ARHGEF10L: variants seen among roughly 807,000 people sequenced by gnomAD.
ARHGEF10L encodes rho guanine nucleotide exchange factor 10-like protein.
In ARHGEF10L, 69 loss-of-function variants were observed where a neutral mutation model predicts 141.2. The observed-to-expected ratio is 0.49, with a 90% confidence interval of 0.40 to 0.60. The LOEUF (loss-of-function observed/expected upper bound fraction) is 0.60, where lower values mean the gene tolerates loss of function less well. ARHGEF10L is among the 20% of genes least tolerant of loss of function. The probability of loss-of-function intolerance (pLI) is 0.00; values close to 1 mark genes in which losing one functional copy is unlikely to be tolerated. For missense variants in ARHGEF10L, 1,482 were observed against 1,734.3 expected, an observed-to-expected ratio of 0.85 and a Z score of 2.58; for synonymous variants, 711 against 718.5, an observed-to-expected ratio of 0.99 and a Z score of 0.17.
At chr1:17,689,458 TCTCCCTCCCTCCCTGCCTCCTTCCCCTAC>T (rs2064885990) in intron 27 of ARHGEF10L, among the ~76,000 whole-genome samples, 1 of 10,070 alleles carries the variant, frequency 9.9e-5, no homozygotes, top group Admixed American at 1.2e-3. Flanking sequence ...CTTCCCCCTC[TCTCCCTCCCTCCCTGCCTCCTTCCCCTAC>T]CTCCCTCTCT....
At chr1:17,665,222 G>A (rs937540632) in intron 26 of ARHGEF10L, among the ~76,000 whole-genome samples, 1 of 152,226 alleles carries the variant, frequency 6.6e-6, no homozygotes, top group Non-Finnish European at 1.5e-5. Flanking sequence ...TTGGATTATC[G>A]ATTGCAATGA....
intron 22 of ARHGEF10L, among the ~76,000 whole-genome samples, chr1:17,652,042 G>C (rs763493527): frequency 6.6e-6 from 1 of 152,232 alleles, no homozygotes; most frequent in Non-Finnish European, 1.5e-5. Context: ...AGCTCACCAC[G>C]TTTCCAGGTG....
intron 21 of ARHGEF10L, among the ~76,000 whole-genome samples, chr1:17,647,445 G>A (rs181795164): frequency 6.6e-6 from 1 of 152,350 alleles, no homozygotes; most frequent in East Asian, 1.9e-4. Context: ...GGGCTTGCTG[G>A]AAGGGAGTCC....
chr1:17,519,659 A>G, the ARHGEF10L span, among the ~76,000 whole-genome samples: 1 of 152,124 alleles, frequency 6.6e-6, no homozygotes, highest in East Asian at 1.9e-4. Flanking sequence ...AACCTGGTGA[A>G]ACCCCATCTC....
At chr1:17,646,196 C>T (rs1274137945) in intron 21 of ARHGEF10L, among the ~76,000 whole-genome samples, 4 of 152,202 alleles carry the variant, frequency 2.6e-5, no homozygotes, top group Non-Finnish European at 4.4e-5. Flanking sequence ...GCATCCTCAC[C>T]TGCCACCTCA....
Position 17,621,598 on chromosome 1 carries a change from G to T in ARHGEF10L, c.943-266G>T, listed in dbSNP as rs1002945995. 1.3e-5 allele frequency among the ~76,000 whole-genome samples: 2 copies of T among 152,218 alleles called. No individual in the cohort carries two copies. The highest frequency in any genetic ancestry group is 3.8e-4 in the East Asian group (2 of 5,198). ...ACCCGCCACCATGGAGGAGCGTGGT[G>T]ATTACCCCATCCCCAGATGTATGTG... On this transcript the variant is annotated intron_variant, in intron 10 of 28. Coordinates refer to ENST00000361221, the MANE Select transcript of ARHGEF10L (RefSeq NM_018125.4). The surrounding 1 kb of genome is among the most constrained non-coding windows in gnomAD (Gnocchi z 4.1).
At chr1:17,618,281 C>A (rs551824674) in intron 9 of ARHGEF10L, 21 of 1,437,492 alleles carry the variant, frequency 1.5e-5, no homozygotes, top group African/African-American at 7.4e-5. Context: ...ACAAGCCCAG[C>A]GCCTTCCTGA....
chr1:17,660,609 G>C (rs1309129313), intron 25 of ARHGEF10L, among the ~76,000 whole-genome samples: 1 of 152,170 alleles, frequency 6.6e-6, no homozygotes, highest in Non-Finnish European at 1.5e-5. Context: ...CTGCTCTCTG[G>C]CTCCAGCCCA....
Position 17,607,532 on chromosome 1 carries a change from C to T in ARHGEF10L, c.434-270C>T, listed in dbSNP as rs1409140390. The stretch of plus-strand genomic sequence containing the variant: ...GCGCTGAGACCATACAAAAGCAGTG[C>T]TGGGAGCAAAAGGAAGTGAGCGGGC... On this transcript the variant is annotated intron_variant, in intron 6 of 28. Coordinates refer to ENST00000361221, the MANE Select transcript of ARHGEF10L (RefSeq NM_018125.4). The surrounding 1 kb of genome is among the most constrained non-coding windows in gnomAD (Gnocchi z 4.5). 6.6e-6 allele frequency among the ~76,000 whole-genome samples: 1 copy of T among 152,204 alleles called. No individual in the cohort carries two copies. Among genetic ancestry groups the T allele is most frequent in the Non-Finnish European group, 1.5e-5 (1 of 68,036 alleles).
chr1:17,577,292 T>G (rs1256499611), intron 1 of ARHGEF10L, among the ~76,000 whole-genome samples: 1 of 152,212 alleles, frequency 6.6e-6, no homozygotes, highest in Non-Finnish European at 1.5e-5. Context: ...GTGATCTGCC[T>G]GCCCCGGCCT....
Position 17,621,728 on chromosome 1 carries a change from A to C in ARHGEF10L, c.943-136A>C. The C allele has an allele frequency of 1.3e-6, 1 of 753,956 alleles. No individual in the cohort carries two copies. The highest frequency in any genetic ancestry group is 2.0e-5 in the Admixed American group (1 of 49,484). The allele number at this position is 753,956 out of a possible 1,614,324, so 46.7% of individuals were successfully genotyped here. A position where few individuals can be genotyped will look rare whatever the true frequency, so the allele number is the denominator to read the frequency against. On this transcript the variant is annotated intron_variant, in intron 10 of 28. Coordinates refer to ENST00000361221, the MANE Select transcript of ARHGEF10L (RefSeq NM_018125.4). This position sits in a 1 kb window ranked among gnomAD's most constrained non-coding sequence, Gnocchi z 4.1. ...AGGGGCTCTGGAAGGAAGAGTGGCC[A>C]CCAGGCCCAGTGGTCCCAGGTGGGA...
chr1:17,659,118 C>A (rs916206100), intron 25 of ARHGEF10L, among the ~76,000 whole-genome samples: 7 of 152,144 alleles, frequency 4.6e-5, no homozygotes, highest in Admixed American at 1.3e-4. Flanking sequence ...TAGAGGTGGC[C>A]AAGCACTGGG....
At chr1:17,526,624 C>T in the ARHGEF10L span, among the ~76,000 whole-genome samples, 1 of 152,092 alleles carries the variant, frequency 6.6e-6, no homozygotes, top group South Asian at 2.1e-4. Flanking sequence ...ACAAGGCTGG[C>T]CGGGCACAGT....
chr1:17,619,451 T>TG lies in ARHGEF10L; in HGVS notation c.942+11dup. ...AGGGCCTGAGCCCTCAGCAGGTCTG[T>TG]GGGGGAGTGGGGCAGGTGGGGGTCT... On this transcript the variant is annotated splice_region_variant and intron_variant, in intron 10 of 28. Coordinates refer to ENST00000361221, the MANE Select transcript of ARHGEF10L (RefSeq NM_018125.4). This position sits in a 1 kb window ranked among gnomAD's most constrained non-coding sequence, Gnocchi z 5.0. 7.3e-7 allele frequency: 1 copy of TG among 1,363,826 alleles called. No individual in the cohort carries two copies. 84.5% of individuals were successfully genotyped at this position (1,363,826 alleles called of 1,614,324 possible).
intron 26 of ARHGEF10L, among the ~76,000 whole-genome samples, chr1:17,677,415 T>C (rs74061939): frequency 0.055 from 8,331 of 152,340 alleles, 616 homozygotes; most frequent in African/African-American, 0.16. Context: ...CACTCTCTGC[T>C]GATCTCAGCT....
At chr1:17,580,656 C>T in intron 2 of ARHGEF10L, 24 bp downstream of exon 2, 1 of 1,614,096 alleles carries the variant, frequency 6.2e-7, no homozygotes, top group African/African-American at 1.3e-5. Flanking sequence ...GGCTTCCTGT[C>T]CCTCTCATCC....
chr1:17,671,689 G>T (rs370514424), intron 26 of ARHGEF10L, among the ~76,000 whole-genome samples: 2 of 152,178 alleles, frequency 1.3e-5, no homozygotes, highest in African/African-American at 2.4e-5. Flanking sequence ...CATTAGACCC[G>T]GGCTTCCCAT....
At chr1:17,601,049 C>CAAAAAAAAAAAAAAAAAAA (rs55806926) in intron 4 of ARHGEF10L, among the ~76,000 whole-genome samples, 2 of 51,168 alleles carry the variant, frequency 3.9e-5, no homozygotes, top group African/African-American at 6.5e-5. Context: ...GGCTCTGTCT[C>CAAAAAAAAAAAAAAAAAAA]AAAAAAAAAA....
chr1:17,693,182 G>T (rs1002549958), intron 27 of ARHGEF10L, among the ~76,000 whole-genome samples: 1 of 152,198 alleles, frequency 6.6e-6, no homozygotes, highest in Non-Finnish European at 1.5e-5. Context: ...GTCCCTCAGT[G>T]CCACTAGCTA....
Sources: allele counts gnomAD v4.1 joint callset (sites outside exome capture counted in the v4.1 genomes callset), GRCh38; gene constraint gnomAD v4.1.1; non-coding constraint Gnocchi (gnomAD v3.1); transcripts MANE v1.5; gene names NCBI Gene and HGNC (gene_info 2026-07-23, HGNC 2026-07-21).